Variants in ZNF148 observed in about 807,000 individuals in gnomAD.
The protein encoded by ZNF148 is zinc finger protein 148, also known as Beta-Enolase Repressor Factor-1.
ZNF148 carries 7 observed loss-of-function variants against 67.7 expected under a neutral mutation model. That is an observed-to-expected ratio of 0.10 (90% confidence interval 0.06 to 0.19). The LOEUF (loss-of-function observed/expected upper bound fraction) is 0.19. Among genes scored for constraint, ZNF148 ranks in the 10% least tolerant of loss-of-function variants. ZNF148 has a pLI of 1.00. For missense variants in ZNF148, 583 were observed against 947.1 expected (o/e 0.62, Z 5.05); for synonymous variants, 333 against 330.7 (o/e 1.01, Z -0.08).
chr3:125,267,216 A>G (rs2107585260), intron 7 of ZNF148, among the ~76,000 whole-genome samples: 1 of 152,126 alleles, frequency 6.6e-6, no homozygotes, highest in East Asian at 1.9e-4. Context: ...ATTCTACGAA[A>G]CCAGTATCAT....
intron 4 of ZNF148, among the ~76,000 whole-genome samples, chr3:125,302,167 A>G (rs1346301740): frequency 6.6e-6 from 1 of 152,074 alleles, no homozygotes; most frequent in Non-Finnish European, 1.5e-5. Flanking sequence ...GCTTGAGCCC[A>G]GGAGTTCAAG....
intron 6 of ZNF148, 89 bp from the exon 7 acceptor site, chr3:125,277,898 C>T (rs1938157379): frequency 1.1e-5 from 12 of 1,088,098 alleles, no homozygotes; most frequent in South Asian, 2.1e-5. Flanking sequence ...ATCTTAGATG[C>T]CCAAATTTTG....
At chr3:125,335,696 C>T (rs1304857760) in intron 1 of ZNF148, among the ~76,000 whole-genome samples, 1 of 152,174 alleles carries the variant, frequency 6.6e-6, no homozygotes, top group Non-Finnish European at 1.5e-5. Context: ...AAACTGCATG[C>T]ATGTTGCAAC....
chr3:125,310,648 G>GA (rs907808190), intron 4 of ZNF148, among the ~76,000 whole-genome samples: 134 of 151,804 alleles, frequency 8.8e-4, no homozygotes, highest in African/African-American at 1.4e-3. Context: ...GAAATAGAGG[G>GA]AAAAAAATCA....
rs1054919693 is a variant in ZNF148 at position 125,295,384 on chromosome 3, C to T, written c.334-7156G>A. On this transcript the variant is annotated intron_variant, in intron 4 of 8. Transcript: ENST00000360647. ...AGGAAAATAGCTTGAACCCAGGTGG[C>T]AGAGGTTGCAGCGAGCCAGGATCGT... Among the ~76,000 whole-genome samples, 10 of 151,174 alleles carry T rather than the reference C, an allele frequency of 6.6e-5. No individual in the cohort carries two copies. The East Asian group carries it at 1.9e-3, about 29-fold the overall frequency.
intron 4 of ZNF148, among the ~76,000 whole-genome samples, chr3:125,304,347 G>A (rs1939758416): frequency 6.6e-6 from 1 of 152,244 alleles, no homozygotes; most frequent in South Asian, 2.1e-4. Flanking sequence ...GCTAAGTGGG[G>A]TGAAGAAAGT....
rs973166857 is a variant in ZNF148, at chr3:125,225,797, T to A, written c.*6544A>T. On this transcript the variant is annotated 3_prime_UTR_variant, in exon 9 of 9. Transcript: ENST00000360647. ...TCAAGAAAAACTGGGATCTAGGAAA[T>A]GCATTAGTAGACTATCAGTGGTATT... The A allele has an allele frequency of 6.6e-6, 1 of 152,196 alleles. No individual in the cohort carries two copies. Among genetic ancestry groups the A allele is most frequent in the Non-Finnish European group, 1.5e-5 (1 of 68,042 alleles). The allele number at this position is 152,196 out of a possible 1,614,324, so 9.4% of individuals were successfully genotyped here.
chr3:125,315,315 A>G lies in ZNF148; in HGVS notation c.-16-1659T>C, dbSNP rs140613030. On this transcript the variant is annotated intron_variant, in intron 3 of 8. Coordinates refer to ENST00000360647, the MANE Select transcript of ZNF148 (RefSeq NM_021964.3). ...ATTAAAATACCTTAAAAATTAGAAG[A>G]GATCAATAAACTGACAGGAACACTA... is the stretch of plus-strand genomic sequence containing the variant. Among the ~76,000 whole-genome samples, 1,166 of 152,288 alleles carry G rather than the reference A, an allele frequency of 7.7e-3. 54 individuals carry two copies. Among genetic ancestry groups the G allele is most frequent in the Admixed American group, 0.07 (1,075 of 15,296 alleles).
At chr3:125,321,592 A>G (rs998517487) in intron 3 of ZNF148, among the ~76,000 whole-genome samples, 1 of 152,178 alleles carries the variant, frequency 6.6e-6, no homozygotes, top group African/African-American at 2.4e-5. Context: ...AGTAGTATTT[A>G]GAAATACTAA....
intron 1 of ZNF148, among the ~76,000 whole-genome samples, chr3:125,347,465 G>A (rs754033840): frequency 6.6e-6 from 1 of 152,060 alleles, no homozygotes; most frequent in Admixed American, 6.5e-5. Flanking sequence ...AAGACACTGT[G>A]GTACTGGCAT....
chr3:125,258,572 T>C (rs541208737), intron 7 of ZNF148, among the ~76,000 whole-genome samples: 8 of 152,060 alleles, frequency 5.3e-5, no homozygotes, highest in Non-Finnish European at 1.0e-4. Flanking sequence ...TGGCTGTAAC[T>C]ACATTTTAAT....
chr3:125,291,274 G>T (rs2009385), intron 4 of ZNF148, among the ~76,000 whole-genome samples: 118,133 of 152,080 alleles, frequency 0.78, 46,485 homozygotes, highest in African/African-American at 0.87. Flanking sequence ...ACAAATAAAT[G>T]AATATAAAAC....
intron 7 of ZNF148, among the ~76,000 whole-genome samples, chr3:125,269,344 G>A (rs1333607451): frequency 2.0e-5 from 3 of 150,604 alleles, no homozygotes; most frequent in Non-Finnish European, 4.4e-5. Flanking sequence ...TCATGCCATC[G>A]CACACCAGCC....
intron 1 of ZNF148, among the ~76,000 whole-genome samples, chr3:125,354,044 T>C (rs1942256332): frequency 6.6e-6 from 1 of 152,152 alleles, no homozygotes; most frequent in Non-Finnish European, 1.5e-5. Context: ...TAATAAAAGG[T>C]TAATAAAAAT....
chr3:125,362,322 C>T (rs539377898), intron 1 of ZNF148, among the ~76,000 whole-genome samples: 1 of 152,146 alleles, frequency 6.6e-6, no homozygotes, highest in African/African-American at 2.4e-5. Flanking sequence ...CCATCTGTTA[C>T]TTCTTGCCTC....
intron 2 of ZNF148, 67 bp from the exon 3 acceptor site, chr3:125,323,511 T>C (rs762992989): frequency 5.8e-5 from 33 of 573,864 alleles, no homozygotes; most frequent in Non-Finnish European, 8.9e-5. Context: ...AAATATAATA[T>C]GTGCAAATTG....
chr3:125,256,402 T>C (rs1579632224), intron 7 of ZNF148, among the ~76,000 whole-genome samples: 1 of 144,342 alleles, frequency 6.9e-6, no homozygotes, highest in East Asian at 2.1e-4. Flanking sequence ...CCTGGCTAGG[T>C]GTGGTGGCTC....
At chr3:125,294,413 A>G (rs1408217814) in intron 4 of ZNF148, among the ~76,000 whole-genome samples, 1 of 152,248 alleles carries the variant, frequency 6.6e-6, no homozygotes, top group South Asian at 2.1e-4. Flanking sequence ...ATACGGTTAC[A>G]TAAGTTTTAA....
chr3:125,331,904 A>G (rs887596089), intron 1 of ZNF148, among the ~76,000 whole-genome samples: 1 of 152,208 alleles, frequency 6.6e-6, no homozygotes, highest in Admixed American at 6.5e-5. Flanking sequence ...GGTATATTAA[A>G]TGAAAGTAAT....
Sources: gnomAD v4.1 joint callset for allele counts (sites outside exome capture counted in the v4.1 genomes callset) on GRCh38, gnomAD v4.1.1 for gene constraint, MANE v1.5 for transcripts, NCBI Gene and HGNC (gene_info 2026-07-23, HGNC 2026-07-21) for gene names.